NMNAT3: variants seen among roughly 807,000 people sequenced by gnomAD.
NMNAT3 encodes nicotinamide nucleotide adenylyltransferase 3, also known as nicotinamide/nicotinic acid mononucleotide adenylyltransferase 3.
Under a neutral mutation model 24.8 loss-of-function variants are expected in NMNAT3, and 21 were observed. The ratio of observed to expected loss-of-function variants is 0.85; its 90% CI spans 0.60 to 1.22. NMNAT3 has a LOEUF of 1.22. Ranked by LOEUF, NMNAT3 falls within the 50% of genes most tolerant of loss-of-function variation. The pLI is 0.00. For synonymous variants in NMNAT3, 136 were observed against 155.2 expected, an observed-to-expected ratio of 0.88 and a Z score of 0.92; for missense variants, 387 against 436.6, an observed-to-expected ratio of 0.89 and a Z score of 1.01.
intron 1 of NMNAT3, among the ~76,000 whole-genome samples, chr3:139,650,794 G>A (rs567337849): frequency 1.3e-5 from 2 of 152,168 alleles, no homozygotes; most frequent in Admixed American, 1.3e-4. Context: ...AGCTGAAAAG[G>A]ACCTGGAGCA....
At chr3:139,651,429 C>CAT (rs1296376496) in intron 1 of NMNAT3, among the ~76,000 whole-genome samples, 1 of 152,100 alleles carries the variant, frequency 6.6e-6, no homozygotes, top group Non-Finnish European at 1.5e-5. Context: ...CATATATATT[C>CAT]ATGCCAAATG....
chr3:139,642,858 C>T (rs1387461001), intron 1 of NMNAT3, among the ~76,000 whole-genome samples: 2 of 152,228 alleles, frequency 1.3e-5, no homozygotes, highest in East Asian at 3.9e-4. Context: ...AGCCTGGTGA[C>T]TTAAAAAACC....
intron 6 of NMNAT3, among the ~76,000 whole-genome samples, chr3:139,564,231 T>C (rs564212760): frequency 5.3e-5 from 8 of 152,242 alleles, no homozygotes; most frequent in African/African-American, 1.7e-4. Context: ...TGGCGCAGCA[T>C]GTGAACACTG....
chr3:139,574,074 A>G (rs1938896938), intron 5 of NMNAT3, among the ~76,000 whole-genome samples: 1 of 152,246 alleles, frequency 6.6e-6, no homozygotes, highest in South Asian at 2.1e-4. Context: ...AAGCAGGGAT[A>G]ACAACACCTA....
chr3:139,596,916 G>GTATATATATATA (rs58824425), intron 3 of NMNAT3, among the ~76,000 whole-genome samples: 16 of 97,150 alleles, frequency 1.6e-4, no homozygotes, highest in South Asian at 4.2e-4. Context: ...TGTCATGTGT[G>GTATATATATATA]TATATATATA....
Position 139,578,845 on chromosome 3 carries a change from A to G in NMNAT3, c.575+27T>C, listed in dbSNP as rs1225538110. On this transcript the variant is annotated intron_variant, in intron 5 of 6. Coordinates refer to ENST00000643695, the MANE Select transcript of NMNAT3 (RefSeq NM_001320510.2). ...CAGACATCTCCCGTGGCCCCTGGTC[A>G]TCACACAGGAGAGTGACTACCATTA... 15 of 1,583,288 alleles carry G rather than the reference A, an allele frequency of 9.5e-6. 1 individual carries two copies. In the Admixed American group the frequency reaches 1.4e-4, roughly 14 times the overall value.
In NMNAT3 at chr3:139,583,039, C is replaced by T. The variant is rs73869355; in HGVS notation, c.279G>A (p.Ala93=). ...ACTTGCTGTCATTCAAATCACAGAA[C>T]GCTTGTTCTTCAGTTCTTTTGCGTT... is the stretch of plus-strand genomic sequence containing the variant. The change falls in exon 4 of 7, where the codon GCG becomes GCA. Residue 93 remains alanine (A), a synonymous_variant. Transcript: ENST00000643695. 5.2e-5 allele frequency: 83 copies of T among 1,607,616 alleles called. No homozygotes were observed. The highest frequency in any genetic ancestry group is 5.0e-4 in the South Asian group (45 of 89,566).
At chr3:139,576,202 C>T in intron 5 of NMNAT3, 1 of 985,376 alleles carries the variant, frequency 1.0e-6, no homozygotes, top group Non-Finnish European at 1.2e-6. Flanking sequence ...GCTTCTAAAA[C>T]CACCTGACTT....
At chr3:139,644,937 C>G (rs1225250419) in intron 1 of NMNAT3, among the ~76,000 whole-genome samples, 1 of 152,150 alleles carries the variant, frequency 6.6e-6, no homozygotes, top group Non-Finnish European at 1.5e-5. Context: ...GGAGTGGTGG[C>G]TCACACCTGT....
chr3:139,639,187 A>T (rs1046254900), intron 1 of NMNAT3, among the ~76,000 whole-genome samples: 3 of 152,290 alleles, frequency 2.0e-5, no homozygotes, highest in African/African-American at 4.8e-5. Context: ...CTTGAGGGCA[A>T]AGAATGTGTT....
At chr3:139,621,835 C>G (rs1370958822) in intron 3 of NMNAT3, among the ~76,000 whole-genome samples, 2 of 152,208 alleles carry the variant, frequency 1.3e-5, no homozygotes, top group East Asian at 3.8e-4. Flanking sequence ...TAAGTGAGAT[C>G]CATCTTTTTG....
chr3:139,620,453 T>C (rs1306544531), intron 3 of NMNAT3, among the ~76,000 whole-genome samples: 1 of 152,188 alleles, frequency 6.6e-6, no homozygotes, highest in Non-Finnish European at 1.5e-5. Flanking sequence ...CTGACTTTTT[T>C]CACTTAGCAT....
chr3:139,644,086 T>C (rs888875596), intron 1 of NMNAT3, among the ~76,000 whole-genome samples: 1 of 152,152 alleles, frequency 6.6e-6, no homozygotes, highest in African/African-American at 2.4e-5. Flanking sequence ...CTAACATCAA[T>C]CCCATCTCAT....
intron 1 of NMNAT3, among the ~76,000 whole-genome samples, chr3:139,642,818 G>C (rs931436134): frequency 6.6e-6 from 1 of 152,078 alleles, no homozygotes; most frequent in Admixed American, 6.5e-5. Context: ...AGTGCTGGCT[G>C]CTTCCCTCCT....
At chr3:139,668,646 T>C (rs951323508) in intron 1 of NMNAT3, among the ~76,000 whole-genome samples, 3 of 152,226 alleles carry the variant, frequency 2.0e-5, no homozygotes, top group Non-Finnish European at 4.4e-5. Flanking sequence ...ACTTCCTTTG[T>C]TGACCATTCA....
chr3:139,615,047 A>G (rs2055420539), intron 3 of NMNAT3, among the ~76,000 whole-genome samples: 1 of 152,198 alleles, frequency 6.6e-6, no homozygotes, highest in East Asian at 1.9e-4. Flanking sequence ...GTTTAGACTC[A>G]TAGACTGTAA....
intron 4 of NMNAT3, among the ~76,000 whole-genome samples, chr3:139,581,746 A>C (rs886131260): frequency 6.6e-6 from 1 of 152,112 alleles, no homozygotes; most frequent in African/African-American, 2.4e-5. Context: ...AAGATGATAA[A>C]AGTCAGGCAG....
intron 3 of NMNAT3, among the ~76,000 whole-genome samples, chr3:139,595,066 T>C (rs891845740): frequency 2.6e-5 from 4 of 152,182 alleles, no homozygotes; most frequent in African/African-American, 7.2e-5. Context: ...GAAAACCCCA[T>C]TGTTTCAGCC....
intron 1 of NMNAT3, among the ~76,000 whole-genome samples, chr3:139,652,722 A>G (rs1200847134): frequency 6.6e-6 from 1 of 152,222 alleles, no homozygotes; most frequent in African/African-American, 2.4e-5. Flanking sequence ...TTTAATTTTG[A>G]AAGCAAAAGC....
Sources: allele counts gnomAD v4.1 joint callset (sites outside exome capture counted in the v4.1 genomes callset), GRCh38; gene constraint gnomAD v4.1.1; transcripts MANE v1.5; gene names NCBI Gene and HGNC (gene_info 2026-07-23, HGNC 2026-07-21).